The following XRN1 variants were observed in gnomAD, a reference collection of about 807,000 sequenced individuals.
XRN1 encodes the protein strand-exchange protein 1 homolog.
Under a neutral mutation model 222.3 loss-of-function variants are expected in XRN1, and 67 were observed. The observed-to-expected ratio is 0.30, with a 90% CI of 0.25 to 0.37. The LOEUF (loss-of-function observed/expected upper bound fraction) is 0.37. XRN1 is among the 10% of genes least tolerant of loss of function. The pLI, the probability that XRN1 is intolerant of heterozygous loss-of-function variation, is 1.00. For missense variants in XRN1, 1,707 were observed against 2,000.2 expected (o/e 0.85, Z 2.80); for synonymous variants, 643 against 652.4 (o/e 0.99, Z 0.22).
intron 1 of XRN1, among the ~76,000 whole-genome samples, chr3:142,443,690 G>C (rs570950687): frequency 1.3e-5 from 2 of 152,150 alleles, no homozygotes; most frequent in Non-Finnish European, 2.9e-5. Flanking sequence ...ACTAAAAATA[G>C]AGCTACCATA....
At chr3:142,361,243 T>C (rs937908929) in intron 29 of XRN1, among the ~76,000 whole-genome samples, 2 of 152,246 alleles carry the variant, frequency 1.3e-5, no homozygotes, top group African/African-American at 4.8e-5. Flanking sequence ...TGAGAAGTAT[T>C]CCACTGCATA....
In XRN1 at chr3:142,403,937, T is replaced by A; in HGVS notation, c.1936A>T (p.Ile646Leu). 1 of 1,610,494 alleles carries A rather than the reference T, an allele frequency of 6.2e-7. No individual in the cohort carries two copies. The highest frequency in any genetic ancestry group is 8.5e-7 in the Non-Finnish European group (1 of 1,177,022). ...AATGCTTTCTGGTCAATTCTGGTTA[T>A]TTTGTTTTTGTTTATGTCTACACGC... Reference protein sequence around the residue: ...AWRVDINKNKITRIDQKALYF... With the variant: ...AWRVDINKNKLTRIDQKALYF... Residue 646 changes from isoleucine to leucine, a missense_variant, in exon 17 of 41, where the codon ATA becomes TTA. Ile to Leu is a conservative substitution (Grantham distance 5). Coordinates refer to ENST00000392981, the MANE Select transcript of XRN1 (RefSeq NM_001282857.2).
At chr3:142,342,169 C>T (rs1328295709) in intron 33 of XRN1, among the ~76,000 whole-genome samples, 1 of 152,074 alleles carries the variant, frequency 6.6e-6, no homozygotes, top group Non-Finnish European at 1.5e-5. Context: ...GGCAAACAAT[C>T]TGAAAAAGAT....
intron 1 of XRN1, among the ~76,000 whole-genome samples, chr3:142,433,848 A>G (rs1238834432): frequency 6.6e-6 from 1 of 152,222 alleles, no homozygotes; most frequent in Non-Finnish European, 1.5e-5. Flanking sequence ...ACAAGTAACA[A>G]TATATTTTCC....
At chr3:142,400,608 G>A in intron 18 of XRN1, 61 bp from the exon 19 acceptor site, 2 of 1,358,818 alleles carry the variant, frequency 1.5e-6, no homozygotes, top group South Asian at 1.3e-5. Context: ...ACTTTACACA[G>A]GCAAAATTTT....
At chr3:142,367,869 A>C (rs1170527214) in intron 27 of XRN1, among the ~76,000 whole-genome samples, 1 of 152,042 alleles carries the variant, frequency 6.6e-6, no homozygotes, top group Non-Finnish European at 1.5e-5. Flanking sequence ...TACTAAGAAA[A>C]GTTTAAATGA....
chr3:142,438,932 A>G (rs2070061149), intron 1 of XRN1, among the ~76,000 whole-genome samples: 1 of 150,720 alleles, frequency 6.6e-6, no homozygotes, highest in Non-Finnish European at 1.5e-5. Flanking sequence ...TTCCCCAACT[A>G]ACAAGGACCC....
At chr3:142,364,868 C>A (rs1370626086) in intron 29 of XRN1, among the ~76,000 whole-genome samples, 179 bp downstream of exon 29, 1 of 151,878 alleles carries the variant, frequency 6.6e-6, no homozygotes. Context: ...CAATAAAAAA[C>A]AGAAGAGATT....
chr3:142,407,385 A>G (rs1465721819), intron 15 of XRN1, among the ~76,000 whole-genome samples: 1 of 152,230 alleles, frequency 6.6e-6, no homozygotes, highest in East Asian at 1.9e-4. Context: ...ACTGGAGTGC[A>G]GTGGCACAAT....
At chr3:142,333,921 C>T (rs549524141) in intron 34 of XRN1, among the ~76,000 whole-genome samples, 5 of 152,220 alleles carry the variant, frequency 3.3e-5, no homozygotes, top group East Asian at 1.9e-4. Flanking sequence ...TCTGCTAGTG[C>T]CTTGATCTTG....
chr3:142,406,698 T>TC (rs1407095740), intron 15 of XRN1, among the ~76,000 whole-genome samples: 1 of 152,094 alleles, frequency 6.6e-6, no homozygotes, highest in African/African-American at 2.4e-5. Flanking sequence ...AGTTCATTTT[T>TC]TTTTTTTTTG....
intron 10 of XRN1, 33 bp downstream of exon 10, chr3:142,420,983 A>T: frequency 6.2e-7 from 1 of 1,611,746 alleles, no homozygotes; most frequent in Non-Finnish European, 8.5e-7. Context: ...TTTACAGTTA[A>T]AACAATGAAA....
Position 142,375,809 on chromosome 3 carries a change from C to T in XRN1, c.2967G>A (p.Glu989=). Residue 989 remains glutamate (E), a synonymous_variant, in exon 25 of 41, where the codon GAG becomes GAA. Coordinates refer to ENST00000392981, the MANE Select transcript of XRN1 (RefSeq NM_001282857.2). ...YSSAAEQLLA[E]YLERAPELFS... Reference sequence around the variant, plus strand: ...TATTATGTACTTACCTCTCTAAGTACTCTGCCAGAAGTTGTTCTGCTGCAG... The same window carrying T: ...TATTATGTACTTACCTCTCTAAGTATTCTGCCAGAAGTTGTTCTGCTGCAG... 1 of 1,613,360 alleles carries T rather than the reference C, an allele frequency of 6.2e-7. No individual in the cohort carries two copies.
intron 20 of XRN1, among the ~76,000 whole-genome samples, chr3:142,391,725 C>T (rs2067720382): frequency 8.0e-6 from 1 of 124,450 alleles, no homozygotes; most frequent in South Asian, 2.7e-4. Context: ...CATAGTAAGA[C>T]CCCGTCTCAC....
rs1026706276 is a variant in XRN1, at chr3:142,418,571, C to G, written c.1279G>C (p.Glu427Gln). The G allele has an allele frequency of 1.4e-5, 23 of 1,609,346 alleles. No homozygotes were observed. Among genetic ancestry groups the G allele is most frequent in the Non-Finnish European group, 2.0e-5 (23 of 1,178,738 alleles). Residue 427 changes from glutamate to glutamine, a missense_variant, in exon 12 of 41, where the codon GAA (glutamate) becomes CAA (glutamine). This residue lies in a region of XRN1 where 1,234 missense variants were observed against 1,518.2 expected (regional missense o/e 0.81). Transcript: ENST00000392981. ...EDETEDDDLF[E>Q]TEFRQYKRTY... ...CTTTTATATTGTCTAAACTCAGTTT[C>G]AAATAGGTCATCATCTTCAGTCTCA...
intron 39 of XRN1, among the ~76,000 whole-genome samples, chr3:142,317,248 AT>A (rs1274782457): frequency 6.6e-6 from 1 of 151,998 alleles, no homozygotes; most frequent in Admixed American, 6.6e-5. Flanking sequence ...AAAGTTTATT[AT>A]TTTTTTGACA....
At position 142,308,135 on chromosome 3, in the gene XRN1, C is replaced by T. The variant is rs377363029; in HGVS notation, c.*3376G>A. 1.3e-5 allele frequency: 2 copies of T among 152,146 alleles called. No homozygotes were observed. The highest frequency in any genetic ancestry group is 1.3e-4 in the Admixed American group (2 of 15,268). The allele number at this position is 152,146 out of a possible 1,614,324, so 9.4% of individuals were successfully genotyped here. On this transcript the variant is annotated 3_prime_UTR_variant, in exon 41 of 41. Coordinates refer to ENST00000392981, the MANE Select transcript of XRN1 (RefSeq NM_001282857.2). Reference sequence around the variant, plus strand: ...GTAAAAATTAGACAACCACTATAAACAGTTATGACTAACACAAATAGAACA... The same window carrying T: ...GTAAAAATTAGACAACCACTATAAATAGTTATGACTAACACAAATAGAACA...
At chr3:142,373,728 C>T (rs2067055740) in intron 25 of XRN1, among the ~76,000 whole-genome samples, 1 of 152,134 alleles carries the variant, frequency 6.6e-6, no homozygotes, top group African/African-American at 2.4e-5. Context: ...TGGCTCATAC[C>T]TGTAATCCCA....
intron 39 of XRN1, among the ~76,000 whole-genome samples, chr3:142,317,314 G>T (rs1002860681): frequency 6.6e-6 from 1 of 152,048 alleles, no homozygotes; most frequent in African/African-American, 2.4e-5. Context: ...AATAAGGTGG[G>T]AGCTGGATCT....
Sources: gnomAD v4.1 joint callset for allele counts (sites outside exome capture counted in the v4.1 genomes callset) on GRCh38, gnomAD v4.1.1 for gene constraint, gnomAD v4.1.1 regional missense constraint, MANE v1.5 for transcripts, NCBI Gene and HGNC (gene_info 2026-07-23, HGNC 2026-07-21) for gene names.